Variants in ST8SIA6 observed in about 807,000 individuals in gnomAD.
ST8SIA6 encodes the protein alpha-2,8-sialyltransferase 8F.
In ST8SIA6, 39 loss-of-function variants were observed where a neutral mutation model predicts 33.6. The observed-to-expected ratio is 1.16, with a 90% CI of 0.90 to 1.52. ST8SIA6 has a LOEUF of 1.52. Ranked by LOEUF, ST8SIA6 falls within the 40% of genes most tolerant of loss-of-function variation. ST8SIA6 has a pLI of 0.00. For synonymous variants in ST8SIA6, 172 were observed against 167.2 expected (o/e 1.03, Z -0.22); for missense variants, 441 against 443.8 (o/e 0.99, Z 0.06).
At chr10:17,384,932 A>G (rs1850279164) in intron 3 of ST8SIA6, among the ~76,000 whole-genome samples, 2 of 152,114 alleles carry the variant, frequency 1.3e-5, no homozygotes, top group Admixed American at 6.5e-5. Flanking sequence ...AACTTTCGGG[A>G]CCTACCCATC....
chr10:17,345,394 G>A (rs111668764), intron 4 of ST8SIA6, among the ~76,000 whole-genome samples: 2 of 152,316 alleles, frequency 1.3e-5, no homozygotes, highest in African/African-American at 2.4e-5. Context: ...CAGGCATGGC[G>A]TCAAGAGCAC....
At chr10:17,453,510 G>C in intron 2 of ST8SIA6, 49 bp downstream of exon 2, 4 of 1,254,208 alleles carry the variant, frequency 3.2e-6, no homozygotes, top group Non-Finnish European at 4.0e-6. Context: ...CCCCATGCCC[G>C]GCTCGCAGCT....
At chr10:17,393,921 C>T (rs1850711879) in intron 2 of ST8SIA6, among the ~76,000 whole-genome samples, 1 of 152,168 alleles carries the variant, frequency 6.6e-6, no homozygotes, top group Non-Finnish European at 1.5e-5. Flanking sequence ...ATTCATTCTC[C>T]ACGCATCACC....
At chr10:17,329,395 T>G (rs181961269) in intron 5 of ST8SIA6, among the ~76,000 whole-genome samples, 2 of 151,234 alleles carry the variant, frequency 1.3e-5, no homozygotes, top group East Asian at 2.0e-4. Flanking sequence ...ATTCCATGGA[T>G]TAAAATGATA....
At chr10:17,380,554 G>A (rs1014275117) in intron 3 of ST8SIA6, among the ~76,000 whole-genome samples, 1 of 152,116 alleles carries the variant, frequency 6.6e-6, no homozygotes, top group African/African-American at 2.4e-5. Flanking sequence ...CTACAAAAGG[G>A]GCTTTATTTA....
At chr10:17,353,083 G>A (rs1260163586) in intron 4 of ST8SIA6, among the ~76,000 whole-genome samples, 1 of 152,102 alleles carries the variant, frequency 6.6e-6, no homozygotes, top group Non-Finnish European at 1.5e-5. Flanking sequence ...ATTGAAAGAA[G>A]CCCCTAGCAG....
chr10:17,355,049 C>T (rs74938019), intron 4 of ST8SIA6, among the ~76,000 whole-genome samples: 136 of 152,268 alleles, frequency 8.9e-4, no homozygotes, highest in Non-Finnish European at 1.7e-3. Context: ...GGACAAACCC[C>T]CTCGTAGCAC....
At position 17,326,851 on chromosome 10, in the gene ST8SIA6, A is replaced by G. The variant is rs375193087; in HGVS notation, c.635+163T>C. On this transcript the variant is annotated intron_variant, in intron 6 of 7. Transcript: ENST00000377602. ...TCTTCTGGTATTGACATTCTGAGGA[A>G]CTCATGAGCCACATAACACTTCAGG... Among the ~76,000 whole-genome samples the G allele has an allele frequency of 2.6e-5, 4 of 152,160 alleles. No individual in the cohort carries two copies. In the East Asian group the frequency reaches 5.8e-4, roughly 22 times the overall value.
chr10:17,321,031 T>G lies in ST8SIA6; in HGVS notation c.1044A>C (p.Lys348Asn), dbSNP rs1293032895. 6.2e-7 allele frequency: 1 copy of G among 1,614,018 alleles called. No individual in the cohort carries two copies. The highest frequency in any genetic ancestry group is 1.7e-5 in the Admixed American group (1 of 59,990). The change falls in exon 8 of 8, where the codon AAA becomes AAC. Residue 348 changes from lysine to asparagine, a missense_variant. Coordinates refer to ENST00000377602, the MANE Select transcript of ST8SIA6 (RefSeq NM_001004470.3). ...GGCTGACAGGTATGTCTTCTACAGT[T>G]TTAGAGAAGGGCCAGAATCCATACA... is the stretch of plus-strand genomic sequence containing the variant. Reference protein sequence around the residue: ...VKLYGFWPFSKTVEDIPVSHH... With the variant: ...VKLYGFWPFSNTVEDIPVSHH...
chr10:17,425,191 T>A (rs1851897136), intron 2 of ST8SIA6, among the ~76,000 whole-genome samples: 1 of 152,186 alleles, frequency 6.6e-6, no homozygotes, highest in Admixed American at 6.5e-5. Flanking sequence ...TATTTACATA[T>A]ACACACATCT....
intron 2 of ST8SIA6, among the ~76,000 whole-genome samples, chr10:17,443,359 C>G (rs1019572122): frequency 1.3e-5 from 2 of 152,200 alleles, no homozygotes; most frequent in Non-Finnish European, 2.9e-5. Flanking sequence ...AGCATTCCAA[C>G]AGAGGTTCCA....
intron 2 of ST8SIA6, among the ~76,000 whole-genome samples, chr10:17,392,077 C>A (rs1588879436): frequency 6.6e-6 from 1 of 152,076 alleles, no homozygotes; most frequent in East Asian, 1.9e-4. Flanking sequence ...TGGGTTGGGC[C>A]CACACACAGG....
At chr10:17,321,795 G>T (rs1183021664) in intron 7 of ST8SIA6, among the ~76,000 whole-genome samples, 2 of 152,076 alleles carry the variant, frequency 1.3e-5, no homozygotes, top group African/African-American at 4.8e-5. Context: ...TTCATTATAA[G>T]TTTCCTTTAG....
intron 2 of ST8SIA6, among the ~76,000 whole-genome samples, chr10:17,441,333 A>T (rs11254601): frequency 0.29 from 37,968 of 128,986 alleles, 7,280 homozygotes; most frequent in African/African-American, 0.61. Context: ...TATTTATTTG[A>T]GACGGAGTCT....
chr10:17,326,967 AC>A, intron 6 of ST8SIA6, 46 bp downstream of exon 6: 1 of 1,345,088 alleles, frequency 7.4e-7, no homozygotes, highest in Non-Finnish European at 1.0e-6. Context: ...CCTCTGAAAT[AC>A]CCAACTGATC....
chr10:17,331,597 G>A, intron 4 of ST8SIA6, 45 bp from the exon 5 acceptor site: 2 of 1,565,644 alleles, frequency 1.3e-6, no homozygotes, highest in Non-Finnish European at 1.7e-6. Flanking sequence ...ATAAGATTAA[G>A]AAACCGAAAA....
At chr10:17,453,459 AG>A in intron 2 of ST8SIA6, 99 bp downstream of exon 2, 1 of 930,058 alleles carries the variant, frequency 1.1e-6, no homozygotes, top group Non-Finnish European at 1.4e-6. Flanking sequence ...GCGCCGTCCC[AG>A]CCTGCCTACT....
chr10:17,354,959 G>A (rs934738735), intron 4 of ST8SIA6, among the ~76,000 whole-genome samples: 4 of 152,182 alleles, frequency 2.6e-5, no homozygotes, highest in Non-Finnish European at 4.4e-5. Flanking sequence ...GGAAGTTTGA[G>A]ACTCAAGCGC....
intron 4 of ST8SIA6, among the ~76,000 whole-genome samples, chr10:17,334,526 G>A (rs1489271579): frequency 7.7e-5 from 11 of 143,728 alleles, no homozygotes; most frequent in Admixed American, 7.1e-4. Context: ...GCGACAGAGC[G>A]AGACTCCGTT....
Sources: allele counts gnomAD v4.1 joint callset (sites outside exome capture counted in the v4.1 genomes callset), GRCh38; gene constraint gnomAD v4.1.1; transcripts MANE v1.5; gene names NCBI Gene and HGNC (gene_info 2026-07-23, HGNC 2026-07-21).